The following RASA1 variants were observed in gnomAD, a reference collection of about 807,000 sequenced individuals.
RASA1 encodes ras GTPase-activating protein 1.
A neutral mutation model predicts 132.2 loss-of-function variants in RASA1; 25 were observed. That is an observed-to-expected ratio of 0.19 (90% CI 0.14 to 0.26). The LOEUF is 0.26. Ranked by LOEUF, RASA1 falls within the 10% of genes least tolerant of loss-of-function variation. The pLI is 1.00. For synonymous variants in RASA1, 477 were observed against 449.9 expected (o/e 1.06, Z -0.76); for missense variants, 964 against 1,299.2 (o/e 0.74, Z 3.97).
At chr5:87,318,789 A>G (rs1422033968) in intron 1 of RASA1, 1 of 152,210 alleles carries the variant, frequency 6.6e-6, no homozygotes, top group East Asian at 1.9e-4. Flanking sequence ...ACATGTCAAG[A>G]CACAATCATG....
chr5:87,389,955 A>G (rs1406199870), intron 24 of RASA1, among the ~76,000 whole-genome samples: 1 of 152,190 alleles, frequency 6.6e-6, no homozygotes, highest in Non-Finnish European at 1.5e-5. Context: ...CAAATTTCAC[A>G]TCCAGAGGTT....
At chr5:87,363,226 C>A in intron 10 of RASA1, 122 bp from the exon 11 acceptor site, 1 of 879,982 alleles carries the variant, frequency 1.1e-6, no homozygotes, top group Non-Finnish European at 1.7e-6. Context: ...TAAGAATTGG[C>A]ATATTACATA....
At chr5:87,319,462 C>G (rs546377195) in intron 1 of RASA1, among the ~76,000 whole-genome samples, 8 of 152,126 alleles carry the variant, frequency 5.3e-5, no homozygotes, top group African/African-American at 7.3e-5. Context: ...CAAACCTCTT[C>G]TCTTGCCTTT....
At chr5:87,288,739 C>G (rs1318586932) in intron 1 of RASA1, among the ~76,000 whole-genome samples, 1 of 151,784 alleles carries the variant, frequency 6.6e-6, no homozygotes, top group Admixed American at 6.6e-5. Flanking sequence ...TCAACTTTAC[C>G]CCAAGTATTT....
chr5:87,300,103 T>A (rs979504111), intron 1 of RASA1, among the ~76,000 whole-genome samples: 4 of 152,170 alleles, frequency 2.6e-5, no homozygotes, highest in African/African-American at 9.7e-5. Flanking sequence ...TGCAGTTGGC[T>A]CATGCCTGTA....
intron 1 of RASA1, among the ~76,000 whole-genome samples, chr5:87,309,134 T>C (rs1009494897): frequency 6.6e-6 from 1 of 152,152 alleles, no homozygotes; most frequent in South Asian, 2.1e-4. Flanking sequence ...CTGTATATAT[T>C]GGTTTATTTA....
rs1753694671 is a variant in RASA1, at chr5:87,268,882, C to T, written c.431C>T (p.Pro144Leu). 6.2e-7 allele frequency: 1 copy of T among 1,614,146 alleles called. No individual in the cohort carries two copies. Among genetic ancestry groups the T allele is most frequent in the African/African-American group, 1.3e-5 (1 of 75,062 alleles). The change falls in exon 1 of 25, where the codon CCC becomes CTC. Residue 144 changes from proline (P) to leucine (L), a missense_variant. Transcript: ENST00000274376. ...FPPLPPPPYL[P>L]PLGAGLGTVD... ...CCTCTGCCCCCTCCCCCTTACCTGC[C>T]CCCTTTGGGGGCGGGCCTCGGGACA... is the stretch of plus-strand genomic sequence containing the variant.
chr5:87,357,231 T>C (rs545176462), intron 9 of RASA1, among the ~76,000 whole-genome samples: 2 of 152,034 alleles, frequency 1.3e-5, no homozygotes, highest in East Asian at 3.9e-4. Flanking sequence ...TACACACACA[T>C]ATATAAATAT....
At chr5:87,300,716 A>C (rs1437311007) in intron 1 of RASA1, among the ~76,000 whole-genome samples, 2 of 152,212 alleles carry the variant, frequency 1.3e-5, no homozygotes, top group Admixed American at 1.3e-4. Flanking sequence ...ATACTATTAG[A>C]AGAGCTTTTT....
At chr5:87,288,101 T>C (rs1000945515) in intron 1 of RASA1, among the ~76,000 whole-genome samples, 2 of 112,392 alleles carry the variant, frequency 1.8e-5, no homozygotes, top group Non-Finnish European at 3.6e-5. Context: ...CATATATATA[T>C]ACCATATATA....
intron 21 of RASA1, 145 bp downstream of exon 21, chr5:87,383,925 C>A: frequency 2.8e-6 from 2 of 724,824 alleles, no homozygotes; most frequent in Non-Finnish European, 2.3e-6. Context: ...AGCACCCTTC[C>A]TTCCTTGTGC....
At chr5:87,276,528 G>C (rs1049959187) in intron 1 of RASA1, among the ~76,000 whole-genome samples, 1 of 152,092 alleles carries the variant, frequency 6.6e-6, no homozygotes, top group African/African-American at 2.4e-5. Flanking sequence ...GGGACAAAAA[G>C]AAATATACAA....
In RASA1 at chr5:87,296,333, A is replaced by G. The variant is rs145970013; in HGVS notation, c.539+27343A>G. Among the ~76,000 whole-genome samples, 254 of 152,266 alleles carry G rather than the reference A, an allele frequency of 1.7e-3. 1 individual carries two copies. Among genetic ancestry groups the G allele is most frequent in the African/African-American group, 5.9e-3 (244 of 41,558 alleles). On this transcript the variant is annotated intron_variant, in intron 1 of 24. Coordinates refer to ENST00000274376, the MANE Select transcript of RASA1 (RefSeq NM_002890.3). ...ATAGGCATACGCAAGCAGATACATC[A>G]TTGCTATTATTTTGAACTGTTACCT...
chr5:87,319,847 A>G (rs984428524), intron 1 of RASA1, among the ~76,000 whole-genome samples: 1 of 152,208 alleles, frequency 6.6e-6, no homozygotes, highest in African/African-American at 2.4e-5. Context: ...TTTCTATAGC[A>G]TGGTGAGGCT....
chr5:87,356,373 G>A (rs985601673), intron 9 of RASA1, among the ~76,000 whole-genome samples: 23 of 151,538 alleles, frequency 1.5e-4, no homozygotes, highest in African/African-American at 3.9e-4. Flanking sequence ...TGACGTCCTA[G>A]ATGATTGTTA....
intron 1 of RASA1, among the ~76,000 whole-genome samples, chr5:87,294,885 T>C (rs571861957): frequency 7.9e-5 from 12 of 152,322 alleles, no homozygotes; most frequent in Middle Eastern, 3.4e-3. Flanking sequence ...TGCTGCTGAG[T>C]TAAACTATAT....
At chr5:87,362,128 AC>A (rs1760150153) in intron 9 of RASA1, among the ~76,000 whole-genome samples, 1 of 152,194 alleles carries the variant, frequency 6.6e-6, no homozygotes, top group Non-Finnish European at 1.5e-5. Context: ...GTCTGTATTC[AC>A]CTAGCATTTC....
At chr5:87,303,140 A>G (rs1755450687) in intron 1 of RASA1, among the ~76,000 whole-genome samples, 1 of 152,134 alleles carries the variant, frequency 6.6e-6, no homozygotes, top group Non-Finnish European at 1.5e-5. Context: ...CTATCTTTAC[A>G]TTAATTCTCA....
At chr5:87,308,250 T>G (rs1366004897) in intron 1 of RASA1, among the ~76,000 whole-genome samples, 1 of 151,750 alleles carries the variant, frequency 6.6e-6, no homozygotes, top group African/African-American at 2.4e-5. Flanking sequence ...ATTCTCAGCC[T>G]CTTGCTTTGT....
Sources: gnomAD v4.1 joint callset for allele counts (sites outside exome capture counted in the v4.1 genomes callset) on GRCh38, gnomAD v4.1.1 for gene constraint, MANE v1.5 for transcripts, NCBI Gene and HGNC (gene_info 2026-07-23, HGNC 2026-07-21) for gene names.